Variants in TP63 observed in about 807,000 individuals in gnomAD.
TP63 encodes the protein tumor protein p63, also known as tumor protein 63.
Under a neutral mutation model 82.8 loss-of-function variants are expected in TP63, and 17 were observed. That is an observed-to-expected ratio of 0.21 (90% CI 0.14 to 0.31). TP63 has a LOEUF of 0.31. TP63 is among the 10% of genes least tolerant of loss of function. The probability of loss-of-function intolerance (pLI) is 1.00; values close to 1 mark genes in which losing one functional copy is unlikely to be tolerated. For synonymous variants in TP63, 330 were observed against 321.7 expected, an observed-to-expected ratio of 1.03 and a Z score of -0.28; for missense variants, 648 against 895.3, an observed-to-expected ratio of 0.72 and a Z score of 3.52.
intron 4 of TP63, among the ~76,000 whole-genome samples, chr3:189,843,436 G>C (rs1577084196): frequency 6.6e-6 from 1 of 152,336 alleles, no homozygotes; most frequent in East Asian, 1.9e-4. Context: ...GGTGGCAACA[G>C]GCGGCCCTTT....
chr3:189,736,411 G>A (rs1720599113), intron 1 of TP63, among the ~76,000 whole-genome samples: 2 of 151,992 alleles, frequency 1.3e-5, no homozygotes, highest in Admixed American at 1.3e-4. Flanking sequence ...TTGTCATAGA[G>A]TGCCCACTGT....
At chr3:189,738,979 T>G in intron 3 of TP63, 1 of 670,140 alleles carries the variant, frequency 1.5e-6, no homozygotes, top group South Asian at 1.9e-5. Flanking sequence ...TATATGTGTT[T>G]CCATCCGTGT....
chr3:189,740,734 A>C (rs374624246), intron 3 of TP63, among the ~76,000 whole-genome samples: 3 of 152,264 alleles, frequency 2.0e-5, no homozygotes, highest in Non-Finnish European at 4.4e-5. Flanking sequence ...TCCTGACCTC[A>C]GGTGATCCAC....
chr3:189,750,125 GAA>G lies in TP63; in HGVS notation c.324+11369_324+11370del, dbSNP rs71175309. The stretch of plus-strand genomic sequence containing the variant: ...GGTGACAGGGTGAGACTCTGTCTCA[GAA>G]AAAAAAAAAAAAAAAAAGGAATGAA... On this transcript the variant is annotated intron_variant, in intron 3 of 13. Transcript: ENST00000264731. 2.7e-3 allele frequency among the ~76,000 whole-genome samples: 259 copies of G among 95,462 alleles called. 3 individuals carry two copies. Among genetic ancestry groups the G allele is most frequent in the East Asian group, 0.019 (66 of 3,410 alleles). The allele number at this position is 95,462 out of a possible 152,430, so 62.6% of individuals were successfully genotyped here.
intron 1 of TP63, among the ~76,000 whole-genome samples, chr3:189,672,606 A>G (rs1424746586): frequency 6.7e-6 from 1 of 149,044 alleles, no homozygotes; most frequent in Non-Finnish European, 1.5e-5. Flanking sequence ...TGTCACAAAT[A>G]AAGATAGAAA....
chr3:189,635,281 A>G (rs1729705166), intron 1 of TP63, among the ~76,000 whole-genome samples: 1 of 152,106 alleles, frequency 6.6e-6, no homozygotes, highest in Non-Finnish European at 1.5e-5. Context: ...CAACTTTATT[A>G]GCTGTACTTT....
the TP63 span, among the ~76,000 whole-genome samples, chr3:189,620,192 G>T: frequency 6.6e-6 from 1 of 152,228 alleles, no homozygotes; most frequent in Admixed American, 6.5e-5. Flanking sequence ...TCAACATGGT[G>T]AAACCCCATC....
the TP63 span, among the ~76,000 whole-genome samples, chr3:189,601,004 G>T: frequency 6.6e-6 from 1 of 151,822 alleles, no homozygotes; most frequent in African/African-American, 2.4e-5. Flanking sequence ...TTTTAGTGTT[G>T]TGCTTCTATT....
At chr3:189,614,962 G>A in the TP63 span, among the ~76,000 whole-genome samples, 1 of 152,316 alleles carries the variant, frequency 6.6e-6, no homozygotes, top group East Asian at 1.9e-4. Context: ...GTAGGGTGAG[G>A]TCCTGGCTCA....
chr3:189,731,763 G>A (rs1190367238), intron 1 of TP63, among the ~76,000 whole-genome samples: 2 of 152,128 alleles, frequency 1.3e-5, no homozygotes, highest in African/African-American at 4.8e-5. Context: ...TTGACTTCGG[G>A]CTTTCTATCT....
chr3:189,678,277 A>G (rs1020154142), intron 1 of TP63, among the ~76,000 whole-genome samples: 4 of 152,082 alleles, frequency 2.6e-5, no homozygotes, highest in African/African-American at 9.7e-5. Flanking sequence ...CATATAGTAA[A>G]AGATGGAGAA....
rs530461753 is a variant in TP63, at chr3:189,885,021, G to A, written c.1350-1373G>A. 1.6e-4 allele frequency among the ~76,000 whole-genome samples: 24 copies of A among 152,242 alleles called. No individual in the cohort carries two copies. The South Asian group carries it at 5.0e-3, about 32-fold the overall frequency. ...GGCTTGGAACCTGGGTCCATTTACA[G>A]AGCCTCCAAAATTTGAATTATACAT... On this transcript the variant is annotated intron_variant, in intron 10 of 13. Coordinates refer to ENST00000264731, the MANE Select transcript of TP63 (RefSeq NM_003722.5).
Position 189,640,395 on chromosome 3 carries a change from C to T in TP63, c.62+8818C>T, listed in dbSNP as rs552026211. On this transcript the variant is annotated intron_variant, in intron 1 of 13. Coordinates refer to ENST00000264731, the MANE Select transcript of TP63 (RefSeq NM_003722.5). ...CCTTCATAAGCTCATTTTTTAGTAC[C>T]CTATAGAGGCTGATGTGGCTGTAAT... Among the ~76,000 whole-genome samples, 3 of 151,812 alleles carry T rather than the reference C, an allele frequency of 2.0e-5. No individual in the cohort carries two copies. The South Asian group carries it at 6.3e-4, about 32-fold the overall frequency.
chr3:189,768,173 A>C (rs1723087300), intron 3 of TP63, among the ~76,000 whole-genome samples: 2 of 152,238 alleles, frequency 1.3e-5, no homozygotes, highest in African/African-American at 4.8e-5. Flanking sequence ...TTTTTTTGCA[A>C]AACGGGATTA....
intron 1 of TP63, among the ~76,000 whole-genome samples, chr3:189,657,905 C>T (rs9830662): frequency 0.44 from 66,754 of 151,804 alleles, 16,064 homozygotes; most frequent in Middle Eastern, 0.69. Context: ...AGGACTGGTA[C>T]AGAAGCAAGG....
At chr3:189,611,548 G>A in the TP63 span, among the ~76,000 whole-genome samples, 6 of 152,172 alleles carry the variant, frequency 3.9e-5, no homozygotes, top group African/African-American at 1.2e-4. Flanking sequence ...TAGCCTTGTA[G>A]TATAGTTTGA....
chr3:189,609,104 G>A, the TP63 span, among the ~76,000 whole-genome samples: 1 of 151,972 alleles, frequency 6.6e-6, no homozygotes, highest in Admixed American at 6.6e-5. Context: ...CAACCGCTGT[G>A]GGCAAGTTTC....
chr3:189,630,527 G>GT (rs1480912056), upstream of TP63, among the ~76,000 whole-genome samples: 3 of 152,082 alleles, frequency 2.0e-5, no homozygotes, highest in African/African-American at 2.4e-5. Flanking sequence ...AGCAAAAACT[G>GT]TAAGACATAA....
intron 4 of TP63, among the ~76,000 whole-genome samples, chr3:189,834,262 A>T (rs538044703): frequency 2.0e-5 from 3 of 152,318 alleles, no homozygotes; most frequent in Admixed American, 2.0e-4. Flanking sequence ...TGGGAAAAAA[A>T]GTGTTTGAAG....
Sources: allele counts gnomAD v4.1 joint callset (sites outside exome capture counted in the v4.1 genomes callset), GRCh38; gene constraint gnomAD v4.1.1; transcripts MANE v1.5; gene names NCBI Gene and HGNC (gene_info 2026-07-23, HGNC 2026-07-21).